The following KANK1 variants were observed in gnomAD, a reference collection of about 807,000 sequenced individuals.
The protein encoded by KANK1 is KN motif and ankyrin repeat domain-containing protein 1.
In KANK1, 109 loss-of-function variants were observed where a neutral mutation model predicts 106.2. The ratio of observed to expected loss-of-function variants is 1.03; its 90% CI spans 0.88 to 1.20. The LOEUF is 1.20. Ranked by LOEUF, KANK1 falls within the 50% of genes most tolerant of loss-of-function variation. The pLI, the probability that KANK1 is intolerant of heterozygous loss-of-function variation, is 0.00. For missense variants in KANK1, 2,399 were observed against 1,710.7 expected (o/e 1.40, Z -7.10); for synonymous variants, 873 against 652.2 (o/e 1.34, Z -5.16).
chr9:628,468 C>T (rs144403393), intron 1 of KANK1, among the ~76,000 whole-genome samples: 6 of 152,302 alleles, frequency 3.9e-5, no homozygotes, highest in African/African-American at 1.4e-4. Context: ...CATCTGAAAT[C>T]AGTATACATC....
At chr9:638,526 T>A (rs1020331690) in intron 1 of KANK1, among the ~76,000 whole-genome samples, 3 of 152,324 alleles carry the variant, frequency 2.0e-5, no homozygotes, top group Admixed American at 2.0e-4. Context: ...TCCTGGCCAC[T>A]GGGGCTCGAG....
At chr9:643,992 C>A (rs1254654476) in intron 1 of KANK1, among the ~76,000 whole-genome samples, 1 of 151,020 alleles carries the variant, frequency 6.6e-6, no homozygotes, top group Non-Finnish European at 1.5e-5. Flanking sequence ...CGTGAGCTGC[C>A]ACGCCTGGCC....
intron 3 of KANK1, 79 bp from the exon 4 acceptor site, chr9:729,972 G>C (rs10125507): frequency 4.9e-6 from 6 of 1,222,130 alleles, no homozygotes; most frequent in Non-Finnish European, 5.8e-6. Context: ...TAAATTATGA[G>C]TGGCAAGAAT....
chr9:653,311 C>T (rs898112738), intron 1 of KANK1, among the ~76,000 whole-genome samples: 1 of 152,046 alleles, frequency 6.6e-6, no homozygotes, highest in Non-Finnish European at 1.5e-5. Context: ...CTCGTGGTCT[C>T]TCTAGTGCTA....
intron 1 of KANK1, among the ~76,000 whole-genome samples, chr9:675,500 T>G (rs992865841): frequency 2.0e-5 from 3 of 152,214 alleles, no homozygotes; most frequent in African/African-American, 7.2e-5. Context: ...AACAGTATAC[T>G]TTTTTGTATT....
At chr9:555,869 C>A (rs967571778) in intron 1 of KANK1, among the ~76,000 whole-genome samples, 25 of 152,172 alleles carry the variant, frequency 1.6e-4, no homozygotes, top group African/African-American at 5.8e-4. Flanking sequence ...CCGACAACCC[C>A]TTCTGTTTAA....
At chr9:628,623 A>G (rs1028341864) in intron 1 of KANK1, among the ~76,000 whole-genome samples, 1 of 152,154 alleles carries the variant, frequency 6.6e-6, no homozygotes, top group Non-Finnish European at 1.5e-5. Flanking sequence ...AAATGAGAGT[A>G]ACTACTGACT....
intron 1 of KANK1, among the ~76,000 whole-genome samples, chr9:514,738 A>G (rs2059205268): frequency 6.6e-6 from 1 of 151,762 alleles, no homozygotes; most frequent in Non-Finnish European, 1.5e-5. Flanking sequence ...TATGAACAGT[A>G]CTGTCATGAA....
At chr9:642,277 G>T (rs186429721) in intron 1 of KANK1, among the ~76,000 whole-genome samples, 5 of 146,988 alleles carry the variant, frequency 3.4e-5, no homozygotes, top group Non-Finnish European at 7.4e-5. Context: ...AAACTGCGTG[G>T]TTAAGTTACC....
intron 1 of KANK1, among the ~76,000 whole-genome samples, chr9:585,221 C>G (rs534818004): frequency 7.2e-5 from 11 of 152,322 alleles, no homozygotes; most frequent in African/African-American, 2.6e-4. Context: ...CAACCATCAT[C>G]TTCAGGTAAA....
intron 3 of KANK1, among the ~76,000 whole-genome samples, chr9:498,403 C>G (rs2058491056): frequency 6.6e-6 from 1 of 151,980 alleles, no homozygotes; most frequent in African/African-American, 2.4e-5. Context: ...ACAATGGACA[C>G]AAGACAAATT....
At chr9:686,692 G>T in intron 2 of KANK1, 1 of 908,746 alleles carries the variant, frequency 1.1e-6, no homozygotes. Context: ...GTTTGGCAGT[G>T]TGAGGGGAAA....
upstream of KANK1, among the ~76,000 whole-genome samples, chr9:502,819 C>G (rs2058581883): frequency 6.6e-6 from 1 of 151,948 alleles, no homozygotes; most frequent in Non-Finnish European, 1.5e-5. Context: ...AGCCAGTGCA[C>G]CCGGTCGAGG....
intron 1 of KANK1, among the ~76,000 whole-genome samples, chr9:617,128 T>G (rs1345597514): frequency 6.6e-6 from 1 of 152,170 alleles, no homozygotes; most frequent in Non-Finnish European, 1.5e-5. Flanking sequence ...TTTTTCATTC[T>G]TGCAAGGAAT....
intron 1 of KANK1, among the ~76,000 whole-genome samples, chr9:622,171 A>G (rs1049868437): frequency 2.6e-5 from 4 of 152,180 alleles, no homozygotes; most frequent in Non-Finnish European, 4.4e-5. Flanking sequence ...AGAATACCTG[A>G]AACCTGTTTA....
chr9:732,355 C>A (rs772526890), intron 5 of KANK1, 23 bp from the exon 6 acceptor site: 5 of 1,600,084 alleles, frequency 3.1e-6, no homozygotes, highest in African/African-American at 1.3e-5. Context: ...CTTGCATCTC[C>A]TGAAATCCCA....
In KANK1 at chr9:712,348, G is replaced by A. The variant is rs542028709; in HGVS notation, c.1582G>A (p.Gly528Ser). 33 of 1,614,192 alleles carry A rather than the reference G, an allele frequency of 2.0e-5. No individual in the cohort carries two copies. The South Asian group carries it at 2.2e-4, about 11-fold the overall frequency. The stretch of plus-strand genomic sequence containing the variant: ...GGTGCAGACCAGAGACCAAATGGTC[G>A]GCAGTCACATGGACCTGGTGGACAC... ...AVVQTRDQMVGSHMDLVDTCV... is the reference protein window; with the variant it reads ...AVVQTRDQMVSSHMDLVDTCV... Residue 528 changes from glycine to serine, a missense_variant, in exon 3 of 12, where the codon GGC becomes AGC. Gly to Ser is a moderately conservative substitution (Grantham distance 56, BLOSUM62 0). Coordinates refer to ENST00000382297, the MANE Select transcript of KANK1 (RefSeq NM_015158.5).
chr9:684,138 G>A (rs909641003), intron 2 of KANK1: 1 of 983,748 alleles, frequency 1.0e-6, no homozygotes. Flanking sequence ...TTAAGGCTTT[G>A]TTTTAACCTG....
At chr9:594,298 T>G (rs745646287) in intron 1 of KANK1, among the ~76,000 whole-genome samples, 1 of 151,778 alleles carries the variant, frequency 6.6e-6, no homozygotes, top group Non-Finnish European at 1.5e-5. Context: ...AGGCAGGAGG[T>G]GGAGAAAGGC....
Sources: allele counts gnomAD v4.1 joint callset (sites outside exome capture counted in the v4.1 genomes callset), GRCh38; gene constraint gnomAD v4.1.1; transcripts MANE v1.5; gene names NCBI Gene and HGNC (gene_info 2026-07-23, HGNC 2026-07-21).